P2RY14: variants seen among roughly 807,000 people sequenced by gnomAD.
P2RY14 encodes the protein purinergic receptor P2Y14, also known as P2Y purinoceptor 14.
Under a neutral mutation model 0.9 loss-of-function variants are expected in P2RY14, and 2 were observed. The observed-to-expected ratio is 2.16, with a 90% CI of 0.88 to 6.79. The LOEUF is 6.79. P2RY14 is among the 30% of genes most tolerant of loss of function. The pLI is 0.05. For synonymous variants in P2RY14, 158 were observed against 147.2 expected, an observed-to-expected ratio of 1.07 and a Z score of -0.53; for missense variants, 378 against 400.1, an observed-to-expected ratio of 0.94 and a Z score of 0.47.
chr3:151,257,843 A>G (rs1332446462), intron 1 of P2RY14, among the ~76,000 whole-genome samples: 2 of 152,212 alleles, frequency 1.3e-5, no homozygotes, highest in Admixed American at 6.5e-5. Flanking sequence ...GATGAGAGTC[A>G]CACAAATTTT....
intron 1 of P2RY14, among the ~76,000 whole-genome samples, chr3:151,243,134 GTCTGCT>G (rs1426931152): frequency 6.6e-6 from 1 of 152,082 alleles, no homozygotes; most frequent in Non-Finnish European, 1.5e-5. Flanking sequence ...CCAAATCTAT[GTCTGCT>G]TGGTGTACCT....
At chr3:151,257,690 C>T (rs1738084701) in intron 1 of P2RY14, among the ~76,000 whole-genome samples, 2 of 152,206 alleles carry the variant, frequency 1.3e-5, no homozygotes, top group African/African-American at 4.8e-5. Flanking sequence ...ATACCATCTT[C>T]AAGAGATGAT....
chr3:151,222,661 C>A (rs758844503), intron 1 of P2RY14, among the ~76,000 whole-genome samples: 36 of 152,204 alleles, frequency 2.4e-4, no homozygotes, highest in Non-Finnish European at 4.4e-4. Flanking sequence ...AAACCTCTTT[C>A]TTTTGTAAAT....
chr3:151,218,882 AAAAAAAAAAAAAAAAG>A (rs1454227043), intron 2 of P2RY14, among the ~76,000 whole-genome samples: 5 of 146,726 alleles, frequency 3.4e-5, no homozygotes, highest in African/African-American at 1.1e-4. Context: ...AAAAAAAAAA[AAAAAAAAAAAAAAAAG>A]AGGGGGGGTA....
intron 1 of P2RY14, among the ~76,000 whole-genome samples, chr3:151,222,655 C>T (rs1034728869): frequency 4.6e-5 from 7 of 152,208 alleles, no homozygotes; most frequent in African/African-American, 1.7e-4. Context: ...TCCAGTAAAC[C>T]TCTTTCTTTT....
intron 1 of P2RY14, among the ~76,000 whole-genome samples, chr3:151,253,802 C>G (rs1372236774): frequency 2.0e-5 from 3 of 152,208 alleles, no homozygotes; most frequent in East Asian, 3.9e-4. Flanking sequence ...ACTTTCTGGG[C>G]TTGAAACATT....
At chr3:151,218,935 T>C (rs1728796393) in intron 2 of P2RY14, among the ~76,000 whole-genome samples, 1 of 151,574 alleles carries the variant, frequency 6.6e-6, no homozygotes. Context: ...GTCTTGAAAT[T>C]TTCTTCAGTG....
At chr3:151,235,760 G>A (rs904063359) in intron 1 of P2RY14, among the ~76,000 whole-genome samples, 2 of 152,004 alleles carry the variant, frequency 1.3e-5, no homozygotes, top group Non-Finnish European at 2.9e-5. Context: ...CCTTGGAGCT[G>A]GCTTCTGCCT....
At chr3:151,269,148 G>C (rs1180195700) in intron 1 of P2RY14, among the ~76,000 whole-genome samples, 3 of 152,154 alleles carry the variant, frequency 2.0e-5, no homozygotes, top group African/African-American at 7.2e-5. Context: ...GGTGGCTTAT[G>C]CCTATACTCT....
chr3:151,261,869 C>T lies in P2RY14; in HGVS notation c.-133+16418G>A, dbSNP rs191836128. Among the ~76,000 whole-genome samples, 9 of 152,116 alleles carry T rather than the reference C, an allele frequency of 5.9e-5. No individual in the cohort carries two copies. The East Asian group carries it at 9.7e-4, about 16-fold the overall frequency. ...CCTCCCGAGTAGCTGGGACTACAGG[C>T]GTTCGTCACCATGCCTGGCTAATTT... On this transcript the variant is annotated intron_variant, in intron 1 of 2. Transcript: ENST00000309170.
At chr3:151,233,455 C>T (rs956634550) in intron 1 of P2RY14, among the ~76,000 whole-genome samples, 15 of 152,184 alleles carry the variant, frequency 9.9e-5, no homozygotes, top group East Asian at 1.9e-4. Flanking sequence ...AGCACTGGGC[C>T]GGGCGTGATG....
At chr3:151,233,594 G>A (rs1416322575) in intron 1 of P2RY14, among the ~76,000 whole-genome samples, 3 of 152,286 alleles carry the variant, frequency 2.0e-5, no homozygotes, top group Middle Eastern at 3.4e-3. Flanking sequence ...TTAGCTGGGC[G>A]TGGTGGCAGG....
chr3:151,272,536 T>C (rs537078803), intron 1 of P2RY14, among the ~76,000 whole-genome samples: 6 of 152,354 alleles, frequency 3.9e-5, no homozygotes, highest in Admixed American at 1.3e-4. Flanking sequence ...AAGCACCATT[T>C]AATTTTTCCT....
Position 151,214,085 on chromosome 3 carries a change from T to C in P2RY14, c.232A>G (p.Ile78Val). 1.2e-6 allele frequency: 2 copies of C among 1,614,052 alleles called. No individual in the cohort carries two copies. Among genetic ancestry groups the C allele is most frequent in the Non-Finnish European group, 1.7e-6 (2 of 1,179,976 alleles). The change falls in exon 3 of 3, where the codon ATC (isoleucine) becomes GTC (valine). Residue 78 changes from isoleucine to valine, a missense_variant. Transcript: ENST00000309170. ...FVMSLTFPFK[I>V]LGDSGLGPWQ... is the part of the protein sequence containing the mutation. Reference sequence around the variant, plus strand: ...GGACCAAGGCCTGAGTCACCAAGGATCTTGAAAGGAAAAGTCAGGCTCATC... The same window carrying C: ...GGACCAAGGCCTGAGTCACCAAGGACCTTGAAAGGAAAAGTCAGGCTCATC...
chr3:151,269,642 C>T (rs917427788), intron 1 of P2RY14: 1 of 389,162 alleles, frequency 2.6e-6, no homozygotes, highest in South Asian at 2.2e-5. Context: ...TATTATTTGA[C>T]GAGTTGAAGT....
chr3:151,267,344 A>G (rs976765016), intron 1 of P2RY14, among the ~76,000 whole-genome samples: 17 of 152,208 alleles, frequency 1.1e-4, no homozygotes, highest in Non-Finnish European at 2.2e-4. Context: ...AAGGAATTTA[A>G]GTGTATAATG....
At chr3:151,261,777 T>C (rs1195018252) in intron 1 of P2RY14, among the ~76,000 whole-genome samples, 9 of 152,156 alleles carry the variant, frequency 5.9e-5, no homozygotes, top group Non-Finnish European at 2.9e-5. Flanking sequence ...CAGGCCACAG[T>C]GCAGTGGTAT....
intron 1 of P2RY14, among the ~76,000 whole-genome samples, chr3:151,272,466 G>A (rs1354755567): frequency 6.6e-6 from 1 of 152,104 alleles, no homozygotes; most frequent in Non-Finnish European, 1.5e-5. Context: ...TTCTCCAGGT[G>A]CACCAGCACA....
chr3:151,232,410 A>G (rs1731876071), intron 1 of P2RY14, among the ~76,000 whole-genome samples: 1 of 152,198 alleles, frequency 6.6e-6, no homozygotes. Flanking sequence ...CAGAACTACC[A>G]TTTGACCCAG....
Sources: gnomAD v4.1 joint callset for allele counts (sites outside exome capture counted in the v4.1 genomes callset) on GRCh38, gnomAD v4.1.1 for gene constraint, MANE v1.5 for transcripts, NCBI Gene and HGNC (gene_info 2026-07-23, HGNC 2026-07-21) for gene names.